Variants in TMPRSS7 observed in about 807,000 individuals in gnomAD.
The protein encoded by TMPRSS7 is transmembrane protease serine 7.
In TMPRSS7, 81 loss-of-function variants were observed where a neutral mutation model predicts 95.6. That is an observed-to-expected ratio of 0.85 (90% CI 0.71 to 1.02). TMPRSS7 has a LOEUF of 1.02. TMPRSS7 is among the 50% of genes least tolerant of loss of function. The pLI is 0.00. For missense variants in TMPRSS7, 945 were observed against 955.2 expected, an observed-to-expected ratio of 0.99 and a Z score of 0.14; for synonymous variants, 364 against 337.8, an observed-to-expected ratio of 1.08 and a Z score of -0.85.
chr3:112,071,985 G>A (rs916175881), intron 13 of TMPRSS7, among the ~76,000 whole-genome samples: 7 of 152,112 alleles, frequency 4.6e-5, no homozygotes, highest in South Asian at 2.1e-4. Context: ...GCTTTGTTCC[G>A]TTGCTGGTGA....
chr3:112,078,092 T>G (rs1259189175), intron 16 of TMPRSS7, among the ~76,000 whole-genome samples: 1 of 152,180 alleles, frequency 6.6e-6, no homozygotes, highest in Non-Finnish European at 1.5e-5. Context: ...CCAGCTTGGG[T>G]CCACTGAAGT....
At chr3:112,058,063 T>A (rs2073453487) in intron 10 of TMPRSS7, among the ~76,000 whole-genome samples, 1 of 152,216 alleles carries the variant, frequency 6.6e-6, no homozygotes, top group Non-Finnish European at 1.5e-5. Context: ...TGCCCTGTCT[T>A]GACCACAGAA....
intron 11 of TMPRSS7, among the ~76,000 whole-genome samples, chr3:112,062,986 C>T (rs973637188): frequency 2.6e-5 from 4 of 152,214 alleles, no homozygotes; most frequent in African/African-American, 7.2e-5. Flanking sequence ...AGTCTGGGTT[C>T]GAGGCCAGTA....
intron 12 of TMPRSS7, among the ~76,000 whole-genome samples, chr3:112,064,714 T>G (rs1227594346): frequency 6.6e-6 from 1 of 152,216 alleles, no homozygotes; most frequent in Non-Finnish European, 1.5e-5. Context: ...CAATTTGTAT[T>G]GACATCACAT....
intron 13 of TMPRSS7, 68 bp downstream of exon 13, chr3:112,066,570 C>A: frequency 7.0e-7 from 1 of 1,433,912 alleles, no homozygotes; most frequent in Non-Finnish European, 9.8e-7. Context: ...ACAAAAATAC[C>A]TCTGATGGGT....
chr3:112,077,706 T>A (rs2073729521), intron 16 of TMPRSS7, among the ~76,000 whole-genome samples: 1 of 152,056 alleles, frequency 6.6e-6, no homozygotes, highest in Non-Finnish European at 1.5e-5. Flanking sequence ...AGGAGATACC[T>A]TTTTGCTATT....
chr3:112,047,078 T>C, intron 6 of TMPRSS7, 66 bp downstream of exon 6: 1 of 695,304 alleles, frequency 1.4e-6, no homozygotes, highest in Non-Finnish European at 2.6e-6. Flanking sequence ...AATTTTCATT[T>C]TCTAATTGAT....
rs1440404010 is a variant in TMPRSS7 at position 112,045,808 on chromosome 3, GC to G, written c.558del (p.Gly188AlafsTer13). 1 of 1,551,622 alleles carries G rather than the reference GC, an allele frequency of 6.4e-7. No individual in the cohort carries two copies. The highest frequency in any genetic ancestry group is 8.7e-7 in the Non-Finnish European group (1 of 1,146,966). ...TTGGATTGTTTTTGTCATGCCACGT[GC>G]CAAAGGCCACATCTTCTGTGAAGAC... On this transcript the variant is annotated frameshift_variant, in exon 5 of 18. Coordinates refer to ENST00000452346, the Ensembl canonical transcript of TMPRSS7. LOFTEE classifies it high-confidence loss of function.
At chr3:112,053,476 G>A (rs1245246089) in intron 9 of TMPRSS7, among the ~76,000 whole-genome samples, 5 of 152,166 alleles carry the variant, frequency 3.3e-5, no homozygotes. Flanking sequence ...GGCTCTATAT[G>A]GGGATGCCTA....
chr3:112,051,522 TC>T (rs2073349200), intron 9 of TMPRSS7, among the ~76,000 whole-genome samples: 1 of 50,362 alleles, frequency 2.0e-5, no homozygotes, highest in African/African-American at 7.6e-5. Context: ...GAAATATCTA[TC>T]TATCTATCTA....
chr3:112,072,869 T>G (rs1576121576), intron 13 of TMPRSS7, among the ~76,000 whole-genome samples: 1 of 152,368 alleles, frequency 6.6e-6, no homozygotes, highest in East Asian at 1.9e-4. Flanking sequence ...AGTGCTGCAA[T>G]AGACATACGT....
rs555665734 is a variant in TMPRSS7, at chr3:112,044,404, C to A, written c.497+82C>A. ...AGGCTATGAAAAGGCTGAGATTCCA[C>A]CATTCCCAAGTAACTTCTTGGAAGT... On this transcript the variant is annotated intron_variant, in intron 4 of 17. Transcript: ENST00000452346. The A allele has an allele frequency of 1.8e-5, 22 of 1,201,224 alleles. No individual in the cohort carries two copies. The South Asian group carries it at 2.6e-4, about 14-fold the overall frequency. The allele number at this position is 1,201,224 out of a possible 1,614,324, so 74.4% of individuals were successfully genotyped here.
chr3:112,059,540 C>A (rs987228300), intron 10 of TMPRSS7, among the ~76,000 whole-genome samples: 2 of 152,168 alleles, frequency 1.3e-5, no homozygotes, highest in African/African-American at 4.8e-5. Context: ...CAAAGGAAAT[C>A]ACTATGAGAT....
At chr3:112,043,313 A>G (rs1576097855) in intron 3 of TMPRSS7, among the ~76,000 whole-genome samples, 2 of 152,200 alleles carry the variant, frequency 1.3e-5, no homozygotes, top group East Asian at 1.9e-4. Context: ...CAGCTCCATC[A>G]TAATCTTATG....
At chr3:112,043,228 A>T (rs577522200) in intron 3 of TMPRSS7, among the ~76,000 whole-genome samples, 1 of 152,304 alleles carries the variant, frequency 6.6e-6, no homozygotes, top group South Asian at 2.1e-4. Context: ...CCTAAGCCAC[A>T]AACCTGGACG....
chr3:112,056,933 G>C (rs1295790921), intron 9 of TMPRSS7, 92 bp from the exon 10 acceptor site: 1 of 849,122 alleles, frequency 1.2e-6, no homozygotes, highest in Admixed American at 2.3e-5. Context: ...CAGGGCGCAA[G>C]TAGAATGGCC....
chr3:112,046,938 G>T, intron 5 of TMPRSS7, 36 bp from the exon 6 acceptor site: 1 of 698,340 alleles, frequency 1.4e-6, no homozygotes, highest in Non-Finnish European at 2.6e-6. Context: ...TGAAATGATA[G>T]GATTCAATCT....
chr3:112,038,225 G>T (rs1292914284), exon 2 of TMPRSS7: 15 of 702,694 alleles, frequency 2.1e-5, no homozygotes, highest in South Asian at 3.0e-5. Flanking sequence ...CAAGAAAAAA[G>T]TTCCCTTTTG....
intron 8 of TMPRSS7, 144 bp from the exon 9 acceptor site, chr3:112,050,527 A>AAAAAAAAAAAAAAAAAAAAC (rs1559955295): frequency 2.8e-6 from 1 of 351,552 alleles, no homozygotes; most frequent in African/African-American, 2.1e-5. Flanking sequence ...CTTCTGAAAA[A>AAAAAAAAAAAAAAAAAAAAC]AAAAAAAAAA....
Sources: gnomAD v4.1 joint callset for allele counts (sites outside exome capture counted in the v4.1 genomes callset) on GRCh38, gnomAD v4.1.1 for gene constraint, MANE v1.5 for transcripts, NCBI Gene and HGNC (gene_info 2026-07-23, HGNC 2026-07-21) for gene names.